The following NRXN1 variants were observed in gnomAD, a reference collection of about 807,000 sequenced individuals.
NRXN1 encodes the protein neurexin 1, also known as neurexin-1.
NRXN1 carries 39 observed loss-of-function variants against 150.9 expected under a neutral mutation model. That is an observed-to-expected ratio of 0.26 (90% CI 0.20 to 0.34). NRXN1 has a LOEUF of 0.34. NRXN1 is among the 10% of genes least tolerant of loss of function. The probability of loss-of-function intolerance (pLI) is 1.00; values close to 1 mark genes in which losing one functional copy is unlikely to be tolerated. For missense variants in NRXN1, 1,815 were observed against 1,949.9 expected (o/e 0.93, Z 1.30); for synonymous variants, 924 against 757.0 (o/e 1.22, Z -3.62).
At chr2:50,182,058 T>C (rs1425533556) in intron 18 of NRXN1, among the ~76,000 whole-genome samples, 4 of 151,486 alleles carry the variant, frequency 2.6e-5, no homozygotes, top group Non-Finnish European at 2.9e-5. Context: ...TTCACATTCC[T>C]AATTATTTTG....
At chr2:50,113,622 C>T (rs1205865339) in intron 18 of NRXN1, among the ~76,000 whole-genome samples, 7 of 152,146 alleles carry the variant, frequency 4.6e-5, no homozygotes, top group African/African-American at 1.7e-4. Context: ...ATCTACAACC[C>T]CTTCAACTGT....
chr2:50,496,637 T>G (rs1299019295), intron 14 of NRXN1, among the ~76,000 whole-genome samples: 3 of 152,134 alleles, frequency 2.0e-5, no homozygotes, highest in Admixed American at 2.0e-4. Context: ...TCTTTTCTGT[T>G]TATGTGTTCA....
intron 1 of NRXN1, among the ~76,000 whole-genome samples, chr2:51,031,560 T>C (rs1299502205): frequency 6.6e-6 from 1 of 152,116 alleles, no homozygotes; most frequent in Admixed American, 6.6e-5. Context: ...CAAAATTCTC[T>C]CTGGCTTTCC....
intron 5 of NRXN1, among the ~76,000 whole-genome samples, chr2:50,777,650 G>T (rs1021182981): frequency 6.6e-6 from 1 of 152,044 alleles, no homozygotes; most frequent in South Asian, 2.1e-4. Context: ...AAGGTTCAAG[G>T]TCAAATACTT....
intron 5 of NRXN1, among the ~76,000 whole-genome samples, chr2:50,666,744 T>C (rs12612961): frequency 0.23 from 34,715 of 151,808 alleles, 4,109 homozygotes; most frequent in East Asian, 0.29. Flanking sequence ...AAATACCAAT[T>C]GTAATTGTTA....
intron 5 of NRXN1, among the ~76,000 whole-genome samples, chr2:50,871,706 A>G (rs538381193): frequency 6.6e-6 from 1 of 151,910 alleles, no homozygotes; most frequent in South Asian, 2.1e-4. Context: ...AGGGGTCACT[A>G]AAAGCATATT....
At chr2:50,293,824 T>C (rs889324000) in intron 17 of NRXN1, among the ~76,000 whole-genome samples, 5 of 152,166 alleles carry the variant, frequency 3.3e-5, no homozygotes, top group Non-Finnish European at 7.4e-5. Flanking sequence ...TCCCAAGTAG[T>C]GTAACCATGT....
intron 21 of NRXN1, among the ~76,000 whole-genome samples, chr2:49,981,385 A>G (rs553673075): frequency 1.9e-4 from 29 of 152,226 alleles, no homozygotes; most frequent in African/African-American, 6.7e-4. Context: ...GAAAAAAGGA[A>G]GAATGAAGGG....
rs1672793380 is a variant in NRXN1 at position 50,841,061 on chromosome 2, C to G, written c.832+80808G>C. ...TGGAAAACAGTGATGTTCTACATAC[C>G]ATGTTAATGTAGAAATAACTTCTAT... On this transcript the variant is annotated intron_variant, in intron 5 of 22. Coordinates refer to ENST00000401669, the MANE Select transcript of NRXN1 (RefSeq NM_001330078.2). 2.6e-5 allele frequency: 4 copies of G among 152,540 alleles called. No individual in the cohort carries two copies. The South Asian group carries it at 8.3e-4, about 32-fold the overall frequency. 9.4% of individuals were successfully genotyped at this position (152,540 alleles called of 1,614,324 possible).
chr2:50,564,185 T>A (rs1452881219), intron 8 of NRXN1, among the ~76,000 whole-genome samples: 1 of 152,224 alleles, frequency 6.6e-6, no homozygotes, highest in Non-Finnish European at 1.5e-5. Context: ...TCCCTCTTTA[T>A]CAAATGAGAT....
At chr2:50,721,237 A>C (rs183719404) in intron 5 of NRXN1, among the ~76,000 whole-genome samples, 1 of 152,292 alleles carries the variant, frequency 6.6e-6, no homozygotes, top group African/African-American at 2.4e-5. Context: ...AGAACCATTC[A>C]ATTTCCCTAG....
intron 5 of NRXN1, chr2:50,919,367 A>T (rs150783914): frequency 6.6e-6 from 1 of 151,912 alleles, no homozygotes; most frequent in Admixed American, 6.6e-5. Context: ...TTCTTTTTAC[A>T]TGTGTTAATT....
intron 21 of NRXN1, among the ~76,000 whole-genome samples, chr2:49,944,415 C>T (rs1672528396): frequency 6.6e-6 from 1 of 152,100 alleles, no homozygotes; most frequent in South Asian, 2.1e-4. Flanking sequence ...GTATTGCTTC[C>T]TCATCATCCC....
intron 17 of NRXN1, among the ~76,000 whole-genome samples, chr2:50,314,416 T>G (rs1418416933): frequency 6.6e-6 from 1 of 152,028 alleles, no homozygotes; most frequent in African/African-American, 2.4e-5. Flanking sequence ...TTCCCTTTCC[T>G]CCTCAGCTCA....
Position 49,962,947 on chromosome 2 carries a change from G to A in NRXN1, c.4129-19156C>T, listed in dbSNP as rs951750247. 2.9e-5 allele frequency among the ~76,000 whole-genome samples: 4 copies of A among 140,156 alleles called. No individual in the cohort carries two copies. In the East Asian group the frequency reaches 6.4e-4, roughly 22 times the overall value. 91.9% of individuals were successfully genotyped at this position (140,156 alleles called of 152,430 possible). A position where few individuals can be genotyped will look rare whatever the true frequency, so the allele number is the denominator to read the frequency against. On this transcript the variant is annotated intron_variant, in intron 21 of 22. Coordinates refer to ENST00000401669, the MANE Select transcript of NRXN1 (RefSeq NM_001330078.2). ...AGCCTGGGCAACAAATTGAGAGCCT[G>A]CCTCTAAATAAATAAATAAATAAAT...
chr2:50,614,457 T>C (rs1166548980), intron 8 of NRXN1, among the ~76,000 whole-genome samples: 10 of 152,030 alleles, frequency 6.6e-5, no homozygotes, highest in African/African-American at 2.4e-4. Context: ...AGATACTCTA[T>C]TCCTCTCTGA....
At chr2:50,194,544 C>T (rs891031698) in intron 18 of NRXN1, among the ~76,000 whole-genome samples, 3 of 152,082 alleles carry the variant, frequency 2.0e-5, no homozygotes, top group East Asian at 1.9e-4. Context: ...TTAGCTGTTA[C>T]AATTCATACA....
chr2:50,095,455 A>G (rs1317299211), intron 18 of NRXN1, among the ~76,000 whole-genome samples: 3 of 152,148 alleles, frequency 2.0e-5, no homozygotes, highest in East Asian at 3.9e-4. Flanking sequence ...AAATTCTTGC[A>G]GTTTCCTACT....
At chr2:50,199,324 A>G (rs1302033300) in intron 18 of NRXN1, 2 of 152,090 alleles carry the variant, frequency 1.3e-5, no homozygotes, top group African/African-American at 2.4e-5. Context: ...GTATTTTAGA[A>G]ATCATATTTT....
Sources: gnomAD v4.1 joint callset for allele counts (sites outside exome capture counted in the v4.1 genomes callset) on GRCh38, gnomAD v4.1.1 for gene constraint, MANE v1.5 for transcripts, NCBI Gene and HGNC (gene_info 2026-07-23, HGNC 2026-07-21) for gene names.